Variants in GPAM observed in about 807,000 individuals in gnomAD.
The protein encoded by GPAM is glycerol-3-phosphate acyltransferase, mitochondrial.
In GPAM, 56 loss-of-function variants were observed where a neutral mutation model predicts 105.0. The observed-to-expected ratio is 0.53, with a 90% CI of 0.43 to 0.67. The LOEUF is 0.67. Among genes scored for constraint, GPAM ranks in the 30% least tolerant of loss-of-function variants. The pLI is 0.00. For missense variants in GPAM, 855 were observed against 989.8 expected, an observed-to-expected ratio of 0.86 and a Z score of 1.83; for synonymous variants, 368 against 354.4, an observed-to-expected ratio of 1.04 and a Z score of -0.43.
At chr10:112,203,285 A>G (rs1023981472) in intron 1 of GPAM, among the ~76,000 whole-genome samples, 1 of 152,224 alleles carries the variant, frequency 6.6e-6, no homozygotes, top group African/African-American at 2.4e-5. Flanking sequence ...CTCTAAAAAC[A>G]AGCCTCCAAA....
At chr10:112,226,267 A>G in the GPAM span, among the ~76,000 whole-genome samples, 1 of 152,212 alleles carries the variant, frequency 6.6e-6, no homozygotes, top group Admixed American at 6.5e-5. Context: ...AGCATGTGAT[A>G]TGTGCTTTTC....
At chr10:112,187,895 G>T (rs1454527139), upstream of GPAM, among the ~76,000 whole-genome samples, 2 of 151,944 alleles carry the variant, frequency 1.3e-5, no homozygotes, top group Admixed American at 6.6e-5. Context: ...TAACTTAAAG[G>T]TATTTGGAAA....
upstream of GPAM, among the ~76,000 whole-genome samples, chr10:112,216,449 C>G (rs1200363522): frequency 6.6e-6 from 1 of 152,082 alleles, no homozygotes; most frequent in Non-Finnish European, 1.5e-5. Context: ...GGGTATGGGC[C>G]TGTCCAAAGG....
intron 1 of GPAM, among the ~76,000 whole-genome samples, chr10:112,210,164 G>A (rs998498720): frequency 1.3e-5 from 2 of 152,258 alleles, no homozygotes; most frequent in Non-Finnish European, 2.9e-5. Flanking sequence ...ACTGAAGGAT[G>A]AGAGTGAATA....
upstream of GPAM, among the ~76,000 whole-genome samples, chr10:112,218,887 G>C (rs1037447213): frequency 3.3e-5 from 5 of 152,230 alleles, no homozygotes; most frequent in African/African-American, 1.2e-4. Context: ...ATAATGAGCA[G>C]TGAGGATGAC....
intron 1 of GPAM, among the ~76,000 whole-genome samples, chr10:112,191,641 A>G (rs1303582002): frequency 6.6e-6 from 1 of 152,236 alleles, no homozygotes; most frequent in Non-Finnish European, 1.5e-5. Flanking sequence ...AATTGCAACT[A>G]ACTGCCTTTT....
intron 9 of GPAM, among the ~76,000 whole-genome samples, chr10:112,170,317 G>A (rs528911611): frequency 9.2e-5 from 14 of 152,302 alleles, no homozygotes; most frequent in African/African-American, 1.4e-4. Flanking sequence ...TAACACCTGA[G>A]AAGTGGTTTG....
intron 13 of GPAM, 152 bp from the exon 14 acceptor site, chr10:112,163,968 A>G (rs1847170452): frequency 1.5e-6 from 1 of 672,752 alleles, no homozygotes; most frequent in South Asian, 1.7e-5. Flanking sequence ...ATTTTCCTCC[A>G]TAATATACTA....
chr10:112,177,837 C>T (rs1847434643), intron 5 of GPAM, 147 bp downstream of exon 5: 1 of 599,692 alleles, frequency 1.7e-6, no homozygotes, highest in Non-Finnish European at 3.0e-6. Flanking sequence ...ATACTGCTTC[C>T]AATTTTCAGA....
chr10:112,186,557 G>A (rs1333577829), upstream of GPAM, among the ~76,000 whole-genome samples: 2 of 151,372 alleles, frequency 1.3e-5, no homozygotes, highest in Non-Finnish European at 2.9e-5. Context: ...TTTTATTTTT[G>A]AGATGGAATC....
intron 3 of GPAM, among the ~76,000 whole-genome samples, chr10:112,181,371 A>G (rs965324929): frequency 1.3e-5 from 2 of 152,130 alleles, no homozygotes; most frequent in Non-Finnish European, 2.9e-5. Context: ...AGTATAACTC[A>G]TGGAAAGTAC....
At chr10:112,177,103 TAAAA>T (rs1268303614) in intron 5 of GPAM, among the ~76,000 whole-genome samples, 1 of 152,098 alleles carries the variant, frequency 6.6e-6, no homozygotes, top group Non-Finnish European at 1.5e-5. Context: ...AATGCAAATT[TAAAA>T]GAGAGAGAGA....
Position 112,153,285 on chromosome 10 carries a change from T to C in GPAM, c.*265A>G. The C allele has an allele frequency of 7.8e-7, 1 of 1,281,952 alleles. No homozygotes were observed. The highest frequency in any genetic ancestry group is 9.9e-7 in the Non-Finnish European group (1 of 1,007,312). The allele number at this position is 1,281,952 out of a possible 1,614,324, so 79.4% of individuals were successfully genotyped here. A position where few individuals can be genotyped will look rare whatever the true frequency, so the allele number is the denominator to read the frequency against. ...CTTTAATAAACTCAAAAATAATTTA[T>C]TGAGATTTCATCTTGTAGTCTACGG... On this transcript the variant is annotated 3_prime_UTR_variant, in exon 22 of 22. Transcript: ENST00000348367.
intron 1 of GPAM, among the ~76,000 whole-genome samples, chr10:112,200,742 G>A (rs2133294420): frequency 6.6e-6 from 1 of 152,268 alleles, no homozygotes; most frequent in East Asian, 1.9e-4. Context: ...TAAGCAAACT[G>A]AAGGGATACT....
chr10:112,217,210 CT>C (rs912937248), upstream of GPAM, among the ~76,000 whole-genome samples: 3 of 152,132 alleles, frequency 2.0e-5, no homozygotes, highest in Admixed American at 2.0e-4. Flanking sequence ...TACTGTATGT[CT>C]TCTATAGATC....
chr10:112,156,619 T>G (rs1847022892), intron 19 of GPAM: 1 of 174,320 alleles, frequency 5.7e-6, no homozygotes, highest in Non-Finnish European at 1.2e-5. Context: ...CAAGCCCCTC[T>G]GGAGTGTGAA....
intron 6 of GPAM, among the ~76,000 whole-genome samples, chr10:112,175,114 C>T (rs1342635394): frequency 6.6e-6 from 1 of 152,092 alleles, no homozygotes; most frequent in African/African-American, 2.4e-5. Flanking sequence ...ATCAGTCTTT[C>T]CTATTGTAAG....
intron 17 of GPAM, among the ~76,000 whole-genome samples, chr10:112,158,871 C>G (rs1847067710): frequency 6.6e-6 from 1 of 152,196 alleles, no homozygotes. Flanking sequence ...TATCTGCCCT[C>G]ATCCCTTCCA....
At chr10:112,215,864 C>T (rs1266607225), upstream of GPAM, among the ~76,000 whole-genome samples, 4 of 152,138 alleles carry the variant, frequency 2.6e-5, no homozygotes, top group African/African-American at 4.8e-5. Context: ...ATGTGCATTT[C>T]GTATTTGTCT....
Sources: gnomAD v4.1 joint callset for allele counts (sites outside exome capture counted in the v4.1 genomes callset) on GRCh38, gnomAD v4.1.1 for gene constraint, MANE v1.5 for transcripts, NCBI Gene and HGNC (gene_info 2026-07-23, HGNC 2026-07-21) for gene names.